CTTN: variants seen among roughly 807,000 people sequenced by gnomAD.
CTTN encodes cortactin.
CTTN carries 28 observed loss-of-function variants against 84.0 expected under a neutral mutation model. The ratio of observed to expected loss-of-function variants is 0.33; its 90% CI spans 0.25 to 0.46. The LOEUF (loss-of-function observed/expected upper bound fraction) is 0.46. Among genes scored for constraint, CTTN ranks in the 20% least tolerant of loss-of-function variants. CTTN has a pLI of 1.00. For synonymous variants in CTTN, 301 were observed against 288.8 expected, an observed-to-expected ratio of 1.04 and a Z score of -0.43; for missense variants, 641 against 723.8, an observed-to-expected ratio of 0.89 and a Z score of 1.31.
At chr11:70,423,111 C>CGTG (rs532013179) in intron 12 of CTTN, 116 bp downstream of exon 12, 679 of 1,260,866 alleles carry the variant, frequency 5.4e-4, no homozygotes, top group East Asian at 1.5e-3. Context: ...TGATTTCCGT[C>CGTG]GTGGTGGTGG....
At chr11:70,419,678 A>G in intron 8 of CTTN, 68 bp from the exon 9 acceptor site, 1 of 1,353,454 alleles carries the variant, frequency 7.4e-7, no homozygotes, top group Non-Finnish European at 1.0e-6. Flanking sequence ...TAATCAAAGG[A>G]TAAAATACTT....
At chr11:70,409,758 A>T (rs1292434019) in intron 4 of CTTN, 73 bp from the exon 5 acceptor site, 1 of 1,500,436 alleles carries the variant, frequency 6.7e-7, no homozygotes, top group African/African-American at 1.4e-5. Context: ...ACCTGTTCTT[A>T]TTTATCATAC....
intron 11 of CTTN, 68 bp from the exon 12 acceptor site, chr11:70,422,872 A>C: frequency 6.2e-7 from 1 of 1,610,732 alleles, no homozygotes; most frequent in East Asian, 2.2e-5. Context: ...ATCTGTCTGC[A>C]TGCACCCACG....
Position 70,436,372 on chromosome 11 carries a change from G to A in CTTN, c.*1210G>A. 1.9e-6 allele frequency: 3 copies of A among 1,598,408 alleles called. No individual in the cohort carries two copies. The highest frequency in any genetic ancestry group is 1.3e-5 in the African/African-American group (1 of 75,030). ...GTGTGTCTTTCCAGAAGGTCACGTG[G>A]AAATGTCTCGGGACTTGGGTCCCGG... On this transcript the variant is annotated 3_prime_UTR_variant, in exon 18 of 18. Transcript: ENST00000301843.
At chr11:70,420,744 G>A (rs2058224927) in intron 10 of CTTN, among the ~76,000 whole-genome samples, 1 of 152,220 alleles carries the variant, frequency 6.6e-6, no homozygotes, top group African/African-American at 2.4e-5. Context: ...ACCTGGAAGT[G>A]GGTTGCACGG....
chr11:70,411,517 C>T (rs188587912), intron 5 of CTTN, among the ~76,000 whole-genome samples: 39 of 152,294 alleles, frequency 2.6e-4, no homozygotes, highest in African/African-American at 7.9e-4. Flanking sequence ...CAGACTGAGG[C>T]GAGCCCTGTG....
chr11:70,407,351 G>T lies in CTTN; in HGVS notation c.54G>T (p.Gly18=), dbSNP rs1487451441. The T allele has an allele frequency of 6.4e-7, 1 of 1,571,390 alleles. No individual in the cohort carries two copies. The highest frequency in any genetic ancestry group is 8.6e-7 in the Non-Finnish European group (1 of 1,158,324). The change falls in exon 3 of 18, where the codon GGG becomes GGT. Residue 18 remains glycine, a synonymous_variant. Coordinates refer to ENST00000301843, the MANE Select transcript of CTTN (RefSeq NM_005231.4). Reference sequence around the variant, plus strand: ...TGTCCATCGCCCAGGATGACGCGGGGGCCGATGACTGGGAGACCGACCCTG... The same window carrying T: ...TGTCCATCGCCCAGGATGACGCGGGTGCCGATGACTGGGAGACCGACCCTG... ...HAVSIAQDDA[G]ADDWETDPDF...
At chr11:70,419,602 G>A (rs926245625) in intron 8 of CTTN, 144 bp from the exon 9 acceptor site, 13 of 644,268 alleles carry the variant, frequency 2.0e-5, no homozygotes, top group Non-Finnish European at 3.5e-5. Flanking sequence ...CACATAAATA[G>A]CACCTTTAAA....
chr11:70,424,317 C>A (rs1290273873), intron 12 of CTTN, among the ~76,000 whole-genome samples: 3 of 152,034 alleles, frequency 2.0e-5, no homozygotes. Context: ...TGTCTGTGGT[C>A]AGCATTGCTG....
Position 70,435,773 on chromosome 11 carries a change from T to C in CTTN, c.*611T>C. The C allele has an allele frequency of 6.3e-7, 1 of 1,594,178 alleles. No individual in the cohort carries two copies. The highest frequency in any genetic ancestry group is 1.1e-5 in the South Asian group (1 of 90,232). On this transcript the variant is annotated 3_prime_UTR_variant, in exon 18 of 18. Coordinates refer to ENST00000301843, the MANE Select transcript of CTTN (RefSeq NM_005231.4). The stretch of plus-strand genomic sequence containing the variant: ...ACTTCTAGCAGAGACCCTGGTTTTT[T>C]TCCTGTGCCCACTCCGGCTTGTCCT...
intron 1 of CTTN, among the ~76,000 whole-genome samples, chr11:70,401,617 C>T (rs2057982946): frequency 6.6e-6 from 1 of 151,414 alleles, no homozygotes; most frequent in South Asian, 2.1e-4. Flanking sequence ...CATTGCACTC[C>T]AGCCTGGGCA....
chr11:70,433,409 C>G, intron 16 of CTTN, 131 bp downstream of exon 16: 3 of 994,612 alleles, frequency 3.0e-6, no homozygotes, highest in Non-Finnish European at 4.4e-6. Context: ...GCTATAGGGT[C>G]TTCTTGTCCC....
At chr11:70,430,150 T>C (rs994587366) in intron 14 of CTTN, among the ~76,000 whole-genome samples, 1 of 152,170 alleles carries the variant, frequency 6.6e-6, no homozygotes, top group African/African-American at 2.4e-5. Flanking sequence ...AGCACTACCA[T>C]TGTTCCCGTT....
At chr11:70,407,902 T>C (rs1665380414) in intron 4 of CTTN, 1 of 332,848 alleles carries the variant, frequency 3.0e-6, no homozygotes. Context: ...CAGGGAACAT[T>C]TGTCCCTAAG....
At chr11:70,405,701 A>T (rs2058034419) in intron 2 of CTTN, among the ~76,000 whole-genome samples, 1 of 152,170 alleles carries the variant, frequency 6.6e-6, no homozygotes, top group African/African-American at 2.4e-5. Context: ...TCGCTGGTGA[A>T]GCTGTGTCCG....
In CTTN at chr11:70,433,327, G is replaced by A. The variant is rs372230302; in HGVS notation, c.1444+49G>A. 104 of 1,528,218 alleles carry A rather than the reference G, an allele frequency of 6.8e-5. 1 individual carries two copies. Among genetic ancestry groups the A allele is most frequent in the South Asian group, 4.0e-4 (33 of 82,674 alleles). The allele number at this position is 1,528,218 out of a possible 1,614,324, so 94.7% of individuals were successfully genotyped here. A position where few individuals can be genotyped will look rare whatever the true frequency, so the allele number is the denominator to read the frequency against. Reference sequence around the variant, plus strand: ...GCCCTGCCCAGGGCAGGGAGCTCCCGGGACATCCTGCTCGACCTGTGGCGT... The same window carrying A: ...GCCCTGCCCAGGGCAGGGAGCTCCCAGGACATCCTGCTCGACCTGTGGCGT... On this transcript the variant is annotated intron_variant, in intron 16 of 17. Transcript: ENST00000301843.
chr11:70,415,800 G>C, intron 7 of CTTN, 83 bp downstream of exon 7: 1 of 1,380,372 alleles, frequency 7.2e-7, no homozygotes, highest in Non-Finnish European at 1.0e-6. Flanking sequence ...GTTTCCCCGC[G>C]CTCCGGGGGC....
chr11:70,406,218 C>T (rs893075732), intron 2 of CTTN, among the ~76,000 whole-genome samples: 1 of 152,182 alleles, frequency 6.6e-6, no homozygotes. Flanking sequence ...TTTGAGAGCA[C>T]GCTGCCCTGA....
At chr11:70,426,425 A>AAAG (rs1555142840) in intron 13 of CTTN, among the ~76,000 whole-genome samples, 1 of 151,522 alleles carries the variant, frequency 6.6e-6, no homozygotes, top group Non-Finnish European at 1.5e-5. Context: ...AAAAAAAAAA[A>AAAG]AGAGAGAGAG....
Sources: gnomAD v4.1 joint callset for allele counts (sites outside exome capture counted in the v4.1 genomes callset) on GRCh38, gnomAD v4.1.1 for gene constraint, MANE v1.5 for transcripts, NCBI Gene and HGNC (gene_info 2026-07-23, HGNC 2026-07-21) for gene names.